ZC3H6: variants seen among roughly 807,000 people sequenced by gnomAD.
The protein encoded by ZC3H6 is zinc finger CCCH-type containing 6.
In ZC3H6, 40 loss-of-function variants were observed where a neutral mutation model predicts 107.7. The ratio of observed to expected loss-of-function variants is 0.37; its 90% CI spans 0.29 to 0.48. The LOEUF (loss-of-function observed/expected upper bound fraction) is 0.48. Among genes scored for constraint, ZC3H6 ranks in the 20% least tolerant of loss-of-function variants. The pLI is 0.98. For synonymous variants in ZC3H6, 493 were observed against 487.9 expected, an observed-to-expected ratio of 1.01 and a Z score of -0.14; for missense variants, 1,267 against 1,410.4, an observed-to-expected ratio of 0.90 and a Z score of 1.63.
intron 5 of ZC3H6, 95 bp from the exon 6 acceptor site, chr2:112,316,375 T>C (rs1466778322): frequency 1.1e-5 from 8 of 752,884 alleles, no homozygotes; most frequent in African/African-American, 7.2e-5. Flanking sequence ...CTTTTTGTAG[T>C]CAATTTGTAC....
chr2:112,279,007 T>A (rs1042134100), intron 1 of ZC3H6, among the ~76,000 whole-genome samples: 3 of 152,234 alleles, frequency 2.0e-5, no homozygotes, highest in African/African-American at 7.2e-5. Context: ...TACTTTCCTT[T>A]AAATATTTTC....
chr2:112,278,472 C>T (rs533672743), intron 1 of ZC3H6, among the ~76,000 whole-genome samples: 1 of 152,122 alleles, frequency 6.6e-6, no homozygotes, highest in African/African-American at 2.4e-5. Context: ...CACCCGCCAC[C>T]ACACCTGGCT....
chr2:112,307,015 C>T (rs375881486), intron 3 of ZC3H6, among the ~76,000 whole-genome samples: 3 of 152,134 alleles, frequency 2.0e-5, no homozygotes, highest in Non-Finnish European at 4.4e-5. Flanking sequence ...TGTCTACAAA[C>T]GGATTTAAGA....
intron 1 of ZC3H6, among the ~76,000 whole-genome samples, chr2:112,294,427 T>C (rs556180766): frequency 6.6e-6 from 1 of 152,358 alleles, no homozygotes; most frequent in Admixed American, 6.5e-5. Context: ...TGCAAAGAAA[T>C]CCTAGAGATT....
Position 112,310,298 on chromosome 2 carries a change from T to G in ZC3H6, c.613+137T>G. Reference sequence around the variant, plus strand: ...GAACCTAAATTCATTTTCTTTTATTTTGTAGACCTTGAGAACAGAATCTAC... The same window carrying G: ...GAACCTAAATTCATTTTCTTTTATTGTGTAGACCTTGAGAACAGAATCTAC... On this transcript the variant is annotated intron_variant, in intron 4 of 11. Coordinates refer to ENST00000409871, the MANE Select transcript of ZC3H6 (RefSeq NM_198581.3). 3 of 838,894 alleles carry G rather than the reference T, an allele frequency of 3.6e-6. No homozygotes were observed. The Admixed American group carries it at 8.9e-5, about 25-fold the overall frequency. The allele number at this position is 838,894 out of a possible 1,614,324, so 52.0% of individuals were successfully genotyped here. A position where few individuals can be genotyped will look rare whatever the true frequency, so the allele number is the denominator to read the frequency against.
chr2:112,278,328 A>AT (rs1558943479), intron 1 of ZC3H6, among the ~76,000 whole-genome samples: 1 of 152,096 alleles, frequency 6.6e-6, no homozygotes, highest in Non-Finnish European at 1.5e-5. Flanking sequence ...TATTTATTTT[A>AT]TTTTTTTGAG....
At chr2:112,292,652 G>A (rs139224661) in intron 1 of ZC3H6, among the ~76,000 whole-genome samples, 16 of 152,172 alleles carry the variant, frequency 1.1e-4, no homozygotes, top group Middle Eastern at 3.4e-3. Context: ...CATTCATCAG[G>A]GAATGTTAGC....
At position 112,334,314 on chromosome 2, in the gene ZC3H6, G is replaced by T. The variant is rs1204761430; in HGVS notation, c.*1826G>T. On this transcript the variant is annotated 3_prime_UTR_variant, in exon 12 of 12. Coordinates refer to ENST00000409871, the MANE Select transcript of ZC3H6 (RefSeq NM_198581.3). ...TTTGTCAGGATAAAATCAGAAAAATGGCTGATTTTAGTAAATGAAATTTTT... is the reference window on the plus strand; with the variant it reads ...TTTGTCAGGATAAAATCAGAAAAATTGCTGATTTTAGTAAATGAAATTTTT... 6.6e-6 allele frequency: 1 copy of T among 151,910 alleles called. No individual in the cohort carries two copies. The highest frequency in any genetic ancestry group is 2.4e-5 in the African/African-American group (1 of 41,346). 9.4% of individuals were successfully genotyped at this position (151,910 alleles called of 1,614,324 possible).
intron 7 of ZC3H6, among the ~76,000 whole-genome samples, chr2:112,318,745 C>T (rs1441952229): frequency 1.3e-5 from 2 of 152,118 alleles, no homozygotes; most frequent in Admixed American, 1.3e-4. Flanking sequence ...AGCAATCCCA[C>T]GTTTTGCAGT....
intron 11 of ZC3H6, among the ~76,000 whole-genome samples, chr2:112,328,755 A>G (rs780738470): frequency 2.6e-5 from 4 of 152,134 alleles, no homozygotes; most frequent in East Asian, 1.9e-4. Context: ...CCTGGCCAAC[A>G]TGGTGAAACC....
intron 5 of ZC3H6, among the ~76,000 whole-genome samples, chr2:112,312,864 T>TA (rs5833443): frequency 0.54 from 70,728 of 131,472 alleles, 18,866 homozygotes; most frequent in East Asian, 0.76. Flanking sequence ...CATCTCAAAA[T>TA]AAAAAAAAAA....
chr2:112,297,989 C>T (rs925445262), intron 1 of ZC3H6, among the ~76,000 whole-genome samples: 1 of 152,088 alleles, frequency 6.6e-6, no homozygotes, highest in Non-Finnish European at 1.5e-5. Flanking sequence ...ATGGCGTGTG[C>T]CTGTAATCCC....
chr2:112,285,241 A>C (rs1038803384), intron 1 of ZC3H6, among the ~76,000 whole-genome samples: 2 of 152,200 alleles, frequency 1.3e-5, no homozygotes, highest in Non-Finnish European at 2.9e-5. Flanking sequence ...ATTAATGTAC[A>C]TTTATACTTC....
intron 9 of ZC3H6, 103 bp from the exon 10 acceptor site, chr2:112,324,049 C>A: frequency 1.6e-6 from 2 of 1,277,388 alleles, no homozygotes; most frequent in Non-Finnish European, 2.2e-6. Context: ...GTATTCTATT[C>A]TGATGTAAAA....
At chr2:112,293,430 A>G (rs1355864333) in intron 1 of ZC3H6, among the ~76,000 whole-genome samples, 6 of 152,254 alleles carry the variant, frequency 3.9e-5, no homozygotes, top group Admixed American at 1.3e-4. Context: ...GAAGATAAAA[A>G]GCACTTTGAA....
chr2:112,301,347 G>A (rs11123135), intron 2 of ZC3H6, among the ~76,000 whole-genome samples: 99,552 of 152,092 alleles, frequency 0.65, 34,615 homozygotes, highest in African/African-American at 0.9. Context: ...TGGAAGTAAA[G>A]TCTACATTGA....
intron 7 of ZC3H6, among the ~76,000 whole-genome samples, chr2:112,319,000 A>G (rs7569894): frequency 0.51 from 77,550 of 152,074 alleles, 21,978 homozygotes; most frequent in East Asian, 0.77. Flanking sequence ...TAAAAGGGAA[A>G]GGGGAACTTC....
chr2:112,300,556 A>C (rs1558950051), intron 2 of ZC3H6, among the ~76,000 whole-genome samples: 1 of 152,214 alleles, frequency 6.6e-6, no homozygotes. Context: ...AATTGATGGA[A>C]GCTTGTATAC....
At position 112,325,087 on chromosome 2, in the gene ZC3H6, G is replaced by C. The variant is rs756075500; in HGVS notation, c.1976G>C (p.Gly659Ala). Residue 659 changes from glycine (G) to alanine (A), a missense_variant, in exon 11 of 12, where the codon GGC becomes GCC. Around this residue, in one of 3 missense-constraint regions of ZC3H6, gnomAD observed 925 missense variants for 1,025.7 expected, o/e 0.90. Transcript: ENST00000409871. ...RTGHGPLPVP[G>A]LLPAVQRALF... Reference sequence around the variant, plus strand: ...GGCCATGGCCCTCTGCCTGTACCAGGCCTCCTCCCTGCAGTGCAAAGAGCT... The same window carrying C: ...GGCCATGGCCCTCTGCCTGTACCAGCCCTCCTCCCTGCAGTGCAAAGAGCT... 1.2e-6 allele frequency: 2 copies of C among 1,614,032 alleles called. No individual in the cohort carries two copies. The highest frequency in any genetic ancestry group is 1.1e-5 in the South Asian group (1 of 91,084).
Sources: allele counts gnomAD v4.1 joint callset (sites outside exome capture counted in the v4.1 genomes callset), GRCh38; gene constraint gnomAD v4.1.1; regional missense constraint gnomAD v4.1.1; transcripts MANE v1.5; gene names NCBI Gene and HGNC (gene_info 2026-07-23, HGNC 2026-07-21).